Variants in GPC5 observed in about 807,000 individuals in gnomAD.
GPC5 encodes glypican 5.
In GPC5, 47 loss-of-function variants were observed where a neutral mutation model predicts 53.9. The ratio of observed to expected loss-of-function variants is 0.87; its 90% CI spans 0.69 to 1.11. The LOEUF (loss-of-function observed/expected upper bound fraction) is 1.11. GPC5 is among the 50% of genes most tolerant of loss of function. The pLI is 0.00. For synonymous variants in GPC5, 286 were observed against 263.3 expected (o/e 1.09, Z -0.84); for missense variants, 748 against 713.1 (o/e 1.05, Z -0.56).
intron 6 of GPC5, among the ~76,000 whole-genome samples, chr13:92,000,078 C>G (rs2040540846): frequency 6.6e-6 from 1 of 152,044 alleles, no homozygotes; most frequent in South Asian, 2.1e-4. Context: ...AGAATGTAAT[C>G]CATGAATAAA....
chr13:92,142,869 GAGTT>G (rs35185326), intron 6 of GPC5, among the ~76,000 whole-genome samples: 1 of 152,210 alleles, frequency 6.6e-6, no homozygotes, highest in Admixed American at 6.5e-5. Flanking sequence ...TATCACCAGA[GAGTT>G]AGGCTTTTGT....
intron 7 of GPC5, among the ~76,000 whole-genome samples, chr13:92,386,195 G>C (rs1874715698): frequency 1.3e-5 from 2 of 152,116 alleles, no homozygotes; most frequent in Admixed American, 1.3e-4. Context: ...TTAAACTCAT[G>C]ATGGAGAATT....
chr13:91,433,969 T>G (rs1879702763), intron 1 of GPC5, among the ~76,000 whole-genome samples: 1 of 152,252 alleles, frequency 6.6e-6, no homozygotes, highest in African/African-American at 2.4e-5. Flanking sequence ...GAGCATTTTT[T>G]CACGTGTCTT....
rs569858278 is a variant in GPC5 at position 92,290,813 on chromosome 13, G to A, written c.1561+145824G>A. Among the ~76,000 whole-genome samples, 897 of 152,254 alleles carry A rather than the reference G, an allele frequency of 5.9e-3. 9 individuals carry two copies. Among genetic ancestry groups the A allele is most frequent in the African/African-American group, 0.02 (838 of 41,552 alleles). On this transcript the variant is annotated intron_variant, in intron 7 of 7. Transcript: ENST00000377067. Reference sequence around the variant, plus strand: ...CACTTGAGGAGCCCTTCAGCCCGCTGCTGCACTGTGAGAGCCCCTTTTTGG... The same window carrying A: ...CACTTGAGGAGCCCTTCAGCCCGCTACTGCACTGTGAGAGCCCCTTTTTGG...
chr13:92,762,350 C>G (rs1875218711), intron 7 of GPC5, among the ~76,000 whole-genome samples: 1 of 151,834 alleles, frequency 6.6e-6, no homozygotes, highest in South Asian at 2.1e-4. Flanking sequence ...TCTATAATAA[C>G]TATAAGAAGG....
At chr13:91,698,994 T>G (rs1364506651) in intron 3 of GPC5, among the ~76,000 whole-genome samples, 1 of 152,230 alleles carries the variant, frequency 6.6e-6, no homozygotes, top group African/African-American at 2.4e-5. Context: ...GCCACAGACC[T>G]GAGGGTGAGG....
At chr13:91,429,253 C>T (rs1396865243) in intron 1 of GPC5, among the ~76,000 whole-genome samples, 5 of 152,102 alleles carry the variant, frequency 3.3e-5, no homozygotes, top group Non-Finnish European at 7.4e-5. Context: ...ACTTTAGTTA[C>T]TCTTCAAGGC....
chr13:91,696,620 G>A (rs912519260), intron 3 of GPC5, among the ~76,000 whole-genome samples: 1 of 152,036 alleles, frequency 6.6e-6, no homozygotes, highest in Non-Finnish European at 1.5e-5. Flanking sequence ...GTACTTCCAA[G>A]TCTACTCCTC....
At chr13:91,640,774 G>A (rs2034406009) in intron 2 of GPC5, among the ~76,000 whole-genome samples, 1 of 151,592 alleles carries the variant, frequency 6.6e-6, no homozygotes, top group Non-Finnish European at 1.5e-5. Context: ...ACTCCAGCCT[G>A]GGTGACAGAG....
At chr13:91,721,065 CT>C (rs2036454424) in intron 3 of GPC5, among the ~76,000 whole-genome samples, 1 of 1,446 alleles carries the variant, frequency 6.9e-4, no homozygotes, top group African/African-American at 2.9e-3. Context: ...CCTTCCTTCC[CT>C]TTCTTTCTTT....
At chr13:92,763,954 G>C (rs1187716686) in intron 7 of GPC5, among the ~76,000 whole-genome samples, 1 of 152,092 alleles carries the variant, frequency 6.6e-6, no homozygotes, top group Non-Finnish European at 1.5e-5. Context: ...TCAGATGGTG[G>C]AACACTGTGG....
At chr13:92,425,054 T>G (rs1876770517) in intron 7 of GPC5, among the ~76,000 whole-genome samples, 1 of 152,048 alleles carries the variant, frequency 6.6e-6, no homozygotes, top group Admixed American at 6.6e-5. Flanking sequence ...TTTCTATTTT[T>G]GTTTGTTGTT....
At chr13:91,865,493 A>T (rs752444546) in intron 5 of GPC5, among the ~76,000 whole-genome samples, 6 of 152,154 alleles carry the variant, frequency 3.9e-5, no homozygotes, top group Non-Finnish European at 7.4e-5. Context: ...AAGAAGAGCT[A>T]AAGGAAGAAT....
intron 7 of GPC5, among the ~76,000 whole-genome samples, chr13:92,415,787 G>T (rs554576169): frequency 2.0e-5 from 3 of 152,260 alleles, no homozygotes; most frequent in South Asian, 4.1e-4. Context: ...GGCCTGAGGG[G>T]CTTTGATCAT....
chr13:92,086,446 A>T (rs1231174995), intron 6 of GPC5, among the ~76,000 whole-genome samples: 4 of 152,100 alleles, frequency 2.6e-5, no homozygotes, highest in Non-Finnish European at 4.4e-5. Flanking sequence ...ACCCACATTC[A>T]TTGCCTCATC....
At chr13:92,437,856 C>T (rs1231983351) in intron 7 of GPC5, among the ~76,000 whole-genome samples, 1 of 152,078 alleles carries the variant, frequency 6.6e-6, no homozygotes, top group Non-Finnish European at 1.5e-5. Context: ...GAATCCTTCT[C>T]CTGCTGTAAA....
intron 7 of GPC5, among the ~76,000 whole-genome samples, chr13:92,761,793 C>T (rs1354714255): frequency 6.6e-6 from 1 of 151,976 alleles, no homozygotes; most frequent in Non-Finnish European, 1.5e-5. Context: ...TCTTTTGTTC[C>T]TTGCATTCTT....
At chr13:92,144,757 T>C in intron 6 of GPC5, 73 bp from the exon 7 acceptor site, 1 of 1,425,200 alleles carries the variant, frequency 7.0e-7, no homozygotes, top group Non-Finnish European at 9.7e-7. Flanking sequence ...TAATTCTAAA[T>C]AAGTTTTCTG....
intron 2 of GPC5, among the ~76,000 whole-genome samples, chr13:91,593,404 T>A (rs1258294381): frequency 6.6e-6 from 1 of 152,266 alleles, no homozygotes; most frequent in Non-Finnish European, 1.5e-5. Flanking sequence ...TCCAGTCATG[T>A]ATTTAGAAAA....
Sources: gnomAD v4.1 joint callset for allele counts (sites outside exome capture counted in the v4.1 genomes callset) on GRCh38, gnomAD v4.1.1 for gene constraint, MANE v1.5 for transcripts, NCBI Gene and HGNC (gene_info 2026-07-23, HGNC 2026-07-21) for gene names.